MAF: variants seen among roughly 807,000 people sequenced by gnomAD.
MAF encodes MAF bZIP transcription factor.
Under a neutral mutation model 22.0 loss-of-function variants are expected in MAF, and 10 were observed. The observed-to-expected ratio is 0.45, with a 90% CI of 0.28 to 0.77. The LOEUF is 0.77. Among genes scored for constraint, MAF ranks in the 30% least tolerant of loss-of-function variants. The pLI, the probability that MAF is intolerant of heterozygous loss-of-function variation, is 0.12. For synonymous variants in MAF, 337 were observed against 255.8 expected (o/e 1.32, Z -3.03); for missense variants, 544 against 548.4 (o/e 0.99, Z 0.08).
the MAF span, among the ~76,000 whole-genome samples, chr16:79,578,840 C>T: frequency 6.6e-6 from 1 of 152,114 alleles, no homozygotes; most frequent in African/African-American, 2.4e-5. Context: ...GTGTTTGGAG[C>T]TTTAGGGCCC....
intron 1 of MAF, chr16:79,598,405 T>C: frequency 8.3e-7 from 1 of 1,208,662 alleles, no homozygotes; most frequent in Non-Finnish European, 1.0e-6. Flanking sequence ...TGAAGAACTC[T>C]GCTGAGATCA....
the MAF span, among the ~76,000 whole-genome samples, chr16:79,234,411 AAT>A: frequency 6.6e-6 from 1 of 152,166 alleles, no homozygotes. Context: ...GCAATCACTT[AAT>A]AGAGTGTTCA....
chr16:79,395,265 C>T, the MAF span, among the ~76,000 whole-genome samples: 4 of 152,268 alleles, frequency 2.6e-5, no homozygotes, highest in East Asian at 7.7e-4. Flanking sequence ...CTGAGGGCAA[C>T]AGAAAGGGTT....
the MAF span, among the ~76,000 whole-genome samples, chr16:79,550,926 G>A: frequency 6.6e-6 from 1 of 152,146 alleles, no homozygotes; most frequent in Admixed American, 6.5e-5. Flanking sequence ...CACAGCATAT[G>A]GGGCCACTGC....
At chr16:79,567,416 C>T in the MAF span, among the ~76,000 whole-genome samples, 6 of 152,180 alleles carry the variant, frequency 3.9e-5, no homozygotes, top group Non-Finnish European at 8.8e-5. Flanking sequence ...ACAGATACAT[C>T]CACATACTGT....
the MAF span, among the ~76,000 whole-genome samples, chr16:79,422,167 T>C: frequency 6.6e-6 from 1 of 152,206 alleles, no homozygotes; most frequent in African/African-American, 2.4e-5. Context: ...AAATGAAGCC[T>C]GAGCTGATGT....
the MAF span, among the ~76,000 whole-genome samples, chr16:79,266,098 T>C: frequency 1.3e-5 from 2 of 152,048 alleles, no homozygotes; most frequent in Admixed American, 6.6e-5. Context: ...GGTCTCGAAC[T>C]CCTGAGCTCA....
chr16:79,348,525 C>A, the MAF span, among the ~76,000 whole-genome samples: 1 of 152,126 alleles, frequency 6.6e-6, no homozygotes, highest in African/African-American at 2.4e-5. Flanking sequence ...TATTGATTGG[C>A]ACTTTAGTGT....
chr16:79,428,849 A>AAAAAATAATAAT, the MAF span, among the ~76,000 whole-genome samples: 112 of 146,642 alleles, frequency 7.6e-4, 1 homozygote, highest in Non-Finnish European at 1.6e-3. Flanking sequence ...TGTCTCAGAA[A>AAAAAATAATAAT]AATAATAATA....
chr16:79,357,522 C>G, the MAF span, among the ~76,000 whole-genome samples: 1 of 152,168 alleles, frequency 6.6e-6, no homozygotes, highest in East Asian at 1.9e-4. Flanking sequence ...TAGATCCTGA[C>G]AGATATGGGA....
At chr16:79,240,399 T>C in the MAF span, among the ~76,000 whole-genome samples, 1 of 145,818 alleles carries the variant, frequency 6.9e-6, no homozygotes, top group East Asian at 2.1e-4. Flanking sequence ...CAACTACCCC[T>C]TCAGGACCTC....
At chr16:79,270,903 T>TTG in the MAF span, among the ~76,000 whole-genome samples, 4 of 150,704 alleles carry the variant, frequency 2.7e-5, no homozygotes, top group East Asian at 2.0e-4. Context: ...GGCCAGAGTT[T>TTG]TTTTTTTTTT....
chr16:79,475,441 C>T, the MAF span, among the ~76,000 whole-genome samples: 46 of 151,406 alleles, frequency 3.0e-4, no homozygotes, highest in East Asian at 2.3e-3. Context: ...GGATCTTAAA[C>T]GAACAATGCA....
the MAF span, among the ~76,000 whole-genome samples, chr16:79,509,415 T>TG: frequency 7.9e-5 from 12 of 152,238 alleles, no homozygotes; most frequent in African/African-American, 2.9e-4. Context: ...CTCTTCCCTC[T>TG]CTGCCGTCAG....
At chr16:79,303,423 G>A in the MAF span, among the ~76,000 whole-genome samples, 3 of 152,156 alleles carry the variant, frequency 2.0e-5, no homozygotes, top group African/African-American at 7.2e-5. Context: ...GTGCAATGTG[G>A]GAAGCACGGG....
the MAF span, among the ~76,000 whole-genome samples, chr16:79,575,544 T>G: frequency 2.0e-5 from 3 of 152,092 alleles, no homozygotes; most frequent in Non-Finnish European, 4.4e-5. Context: ...CTAGCCAACC[T>G]CTGCTGAGGG....
chr16:79,577,000 G>C, the MAF span, among the ~76,000 whole-genome samples: 3 of 152,136 alleles, frequency 2.0e-5, no homozygotes, highest in Non-Finnish European at 1.5e-5. Context: ...AGTGCCAGCA[G>C]TGCACCTGAT....
the MAF span, among the ~76,000 whole-genome samples, chr16:79,418,546 G>C: frequency 6.6e-6 from 1 of 152,132 alleles, no homozygotes; most frequent in Non-Finnish European, 1.5e-5. Context: ...CAAAGGAAAG[G>C]AAAAATAAAA....
chr16:79,542,721 G>A, the MAF span, among the ~76,000 whole-genome samples: 2 of 152,320 alleles, frequency 1.3e-5, no homozygotes, highest in South Asian at 4.1e-4. Context: ...TGGACTGGGA[G>A]GGGTTAGCTT....
Sources: allele counts gnomAD v4.1 joint callset (sites outside exome capture counted in the v4.1 genomes callset), GRCh38; gene constraint gnomAD v4.1.1; transcripts MANE v1.5; gene names NCBI Gene and HGNC (gene_info 2026-07-23, HGNC 2026-07-21).